PCDH15: variants seen among roughly 807,000 people sequenced by gnomAD.
PCDH15 encodes the protein protocadherin-15.
PCDH15 carries 129 observed loss-of-function variants against 178.5 expected under a neutral mutation model. The observed-to-expected ratio is 0.72, with a 90% CI of 0.63 to 0.84. PCDH15 has a LOEUF of 0.84. Among genes scored for constraint, PCDH15 ranks in the 40% least tolerant of loss-of-function variants. The pLI, the probability that PCDH15 is intolerant of heterozygous loss-of-function variation, is 0.00. For missense variants in PCDH15, 2,230 were observed against 2,099.9 expected (o/e 1.06, Z -1.21); for synonymous variants, 800 against 732.0 (o/e 1.09, Z -1.50).
At position 53,950,944 on chromosome 10, in the gene PCDH15, G is replaced by T. The variant is rs1477469985; in HGVS notation, c.3122+8788C>A. Among the ~76,000 whole-genome samples, 3 of 152,074 alleles carry T rather than the reference G, an allele frequency of 2.0e-5. No homozygotes were observed. The East Asian group carries it at 5.8e-4, about 29-fold the overall frequency. Reference sequence around the variant, plus strand: ...TATGCCTCTCAGATCTTCAACTACAGGAAGCACAATTGGTCAAGGTCCCAG... The same window carrying T: ...TATGCCTCTCAGATCTTCAACTACATGAAGCACAATTGGTCAAGGTCCCAG... On this transcript the variant is annotated intron_variant, in intron 23 of 37. Coordinates refer to ENST00000644397, the MANE Select transcript of PCDH15 (RefSeq NM_001384140.1).
At chr10:54,102,987 T>A (rs1453081247) in intron 15 of PCDH15, among the ~76,000 whole-genome samples, 5 of 152,108 alleles carry the variant, frequency 3.3e-5, no homozygotes, top group Admixed American at 3.3e-4. Context: ...CACAGTGACC[T>A]TGGTAAAAGG....
chr10:54,553,571 C>A (rs2086845704), intron 2 of PCDH15, among the ~76,000 whole-genome samples: 1 of 152,098 alleles, frequency 6.6e-6, no homozygotes, highest in African/African-American at 2.4e-5. Context: ...ACAAAAATGG[C>A]CAGACATGGA....
At chr10:55,472,758 C>T (rs908020319) in intron 2 of PCDH15, among the ~76,000 whole-genome samples, 4 of 152,134 alleles carry the variant, frequency 2.6e-5, no homozygotes, top group East Asian at 1.9e-4. Flanking sequence ...TTAGTAGAGA[C>T]GGGGTTTCAC....
At chr10:53,863,579 C>A (rs1259538434) in intron 27 of PCDH15, among the ~76,000 whole-genome samples, 1 of 151,260 alleles carries the variant, frequency 6.6e-6, no homozygotes, top group Admixed American at 6.6e-5. Context: ...AGAAATAAGT[C>A]AAATCTAACA....
chr10:54,760,092 G>A (rs59444439), intron 1 of PCDH15, among the ~76,000 whole-genome samples: 11,668 of 152,202 alleles, frequency 0.077, 1,474 homozygotes, highest in African/African-American at 0.27. Flanking sequence ...ACCATTCATT[G>A]AAGTTTTTCT....
At chr10:54,875,942 A>G (rs565255447) in intron 3 of PCDH15, among the ~76,000 whole-genome samples, 1 of 152,202 alleles carries the variant, frequency 6.6e-6, no homozygotes, top group Non-Finnish European at 1.5e-5. Context: ...AATGTAGATG[A>G]AAGAACCTTC....
At chr10:55,134,660 A>T (rs923634540) in intron 2 of PCDH15, among the ~76,000 whole-genome samples, 2 of 152,126 alleles carry the variant, frequency 1.3e-5, no homozygotes, top group African/African-American at 4.8e-5. Context: ...TCTAATTAAA[A>T]GGTAGCATTA....
intron 2 of PCDH15, among the ~76,000 whole-genome samples, chr10:55,002,835 C>G (rs1839824803): frequency 6.6e-6 from 1 of 152,172 alleles, no homozygotes; most frequent in South Asian, 2.1e-4. Flanking sequence ...CAAAAGTACA[C>G]TGATGCAAGC....
intron 1 of PCDH15, among the ~76,000 whole-genome samples, chr10:54,710,369 A>C (rs2095416486): frequency 6.6e-6 from 1 of 152,044 alleles, no homozygotes; most frequent in African/African-American, 2.4e-5. Context: ...AATTAATCAT[A>C]TTTAGTTTAA....
chr10:54,676,339 T>G (rs545068587), intron 1 of PCDH15, among the ~76,000 whole-genome samples: 1 of 152,164 alleles, frequency 6.6e-6, no homozygotes, highest in Admixed American at 6.6e-5. Flanking sequence ...TTTCTCAAAT[T>G]TCATCCCTAT....
chr10:53,891,192 T>G (rs2081532679), intron 26 of PCDH15, among the ~76,000 whole-genome samples: 1 of 152,202 alleles, frequency 6.6e-6, no homozygotes, highest in African/African-American at 2.4e-5. Flanking sequence ...CAGACAAAAG[T>G]AATTTTTATT....
intron 8 of PCDH15, among the ~76,000 whole-genome samples, chr10:54,264,105 G>T (rs2057512901): frequency 6.6e-6 from 1 of 152,058 alleles, no homozygotes; most frequent in African/African-American, 2.4e-5. Flanking sequence ...TACTTTTGAG[G>T]CTTTGGGACT....
chr10:55,510,738 T>G (rs1036716499), intron 2 of PCDH15, among the ~76,000 whole-genome samples: 2 of 151,656 alleles, frequency 1.3e-5, no homozygotes, highest in Non-Finnish European at 2.9e-5. Flanking sequence ...TTATCCTCCT[T>G]GTATCAAACA....
intron 3 of PCDH15, among the ~76,000 whole-genome samples, chr10:54,498,958 T>C (rs900317289): frequency 1.3e-5 from 2 of 152,018 alleles, no homozygotes; most frequent in African/African-American, 4.8e-5. Context: ...TACTACACAC[T>C]TTTAAACAAC....
At chr10:54,332,377 A>ATATAATATAATCTATATTATATATATAT (rs1939996537) in intron 6 of PCDH15, among the ~76,000 whole-genome samples, 6 of 37,168 alleles carry the variant, frequency 1.6e-4, no homozygotes, top group Non-Finnish European at 2.3e-4. Context: ...TATATATATA[A>ATATAATATAATCTATATTATATATATAT]TATATATATA....
chr10:54,050,948 T>C (rs1343040501), intron 18 of PCDH15, among the ~76,000 whole-genome samples: 16 of 152,146 alleles, frequency 1.1e-4, no homozygotes. Context: ...TCTCAAAAGA[T>C]CTGATGTTTT....
chr10:55,276,112 G>A (rs1297814451), intron 1 of PCDH15, among the ~76,000 whole-genome samples: 2 of 150,374 alleles, frequency 1.3e-5, no homozygotes, highest in Non-Finnish European at 3.0e-5. Context: ...AAAAAAATTC[G>A]TATTAATTCC....
intron 2 of PCDH15, among the ~76,000 whole-genome samples, chr10:54,984,033 T>C (rs1350621554): frequency 6.6e-6 from 1 of 152,140 alleles, no homozygotes; most frequent in Non-Finnish European, 1.5e-5. Context: ...TAGAGAATTA[T>C]AAGAAGGGAA....
chr10:54,126,071 CA>C (rs1387779259), intron 15 of PCDH15, among the ~76,000 whole-genome samples: 5 of 118,376 alleles, frequency 4.2e-5, no homozygotes, highest in South Asian at 3.9e-4. Flanking sequence ...AAAGAATTAC[CA>C]TTTTTTTTTT....
Sources: allele counts gnomAD v4.1 joint callset (sites outside exome capture counted in the v4.1 genomes callset), GRCh38; gene constraint gnomAD v4.1.1; transcripts MANE v1.5; gene names NCBI Gene and HGNC (gene_info 2026-07-23, HGNC 2026-07-21).